CHSY3: variants seen among roughly 807,000 people sequenced by gnomAD.
CHSY3 encodes the protein N-acetylgalactosaminyl-proteoglycan 3-beta-glucuronosyltransferase 3.
CHSY3 carries 35 observed loss-of-function variants against 67.2 expected under a neutral mutation model. The observed-to-expected ratio is 0.52, with a 90% CI of 0.40 to 0.69. The LOEUF (loss-of-function observed/expected upper bound fraction) is 0.69. Among genes scored for constraint, CHSY3 ranks in the 30% least tolerant of loss-of-function variants. The pLI is 0.00. For synonymous variants in CHSY3, 474 were observed against 434.7 expected (o/e 1.09, Z -1.12); for missense variants, 1,069 against 1,138.5 (o/e 0.94, Z 0.88).
intron 2 of CHSY3, among the ~76,000 whole-genome samples, chr5:130,080,884 G>A (rs1766423822): frequency 6.6e-6 from 1 of 152,010 alleles, no homozygotes; most frequent in Admixed American, 6.6e-5. Flanking sequence ...AGGAGAAAAG[G>A]CATGCAAATT....
chr5:130,160,998 G>A lies in CHSY3; in HGVS notation c.1087-23231G>A, dbSNP rs373534554. Among the ~76,000 whole-genome samples the A allele has an allele frequency of 7.2e-4, 109 of 150,612 alleles. 2 individuals are homozygous for A. The South Asian group carries it at 0.021, about 28-fold the overall frequency. On this transcript the variant is annotated intron_variant, in intron 2 of 2. Transcript: ENST00000305031. Reference sequence around the variant, plus strand: ...CGGCTCACTGCAAGCTCCACCTCCCGGGTTCAAGCCATTCTCCTGCCTCAG... The same window carrying A: ...CGGCTCACTGCAAGCTCCACCTCCCAGGTTCAAGCCATTCTCCTGCCTCAG...
intron 2 of CHSY3, among the ~76,000 whole-genome samples, chr5:130,003,234 A>G (rs868023334): frequency 3.3e-5 from 5 of 152,260 alleles, no homozygotes; most frequent in African/African-American, 2.4e-5. Flanking sequence ...TCAGGTAATG[A>G]GTTTTTCATG....
At chr5:129,983,661 T>C (rs1291828321) in intron 2 of CHSY3, among the ~76,000 whole-genome samples, 1 of 152,028 alleles carries the variant, frequency 6.6e-6, no homozygotes, top group Non-Finnish European at 1.5e-5. Context: ...ATGACAGAAC[T>C]ATGAAAACTG....
rs1760167485 is a variant in CHSY3 at position 129,904,752 on chromosome 5, G to A, written c.-78G>A. On this transcript the variant is annotated 5_prime_UTR_variant, in exon 1 of 3. Coordinates refer to ENST00000305031, the MANE Select transcript of CHSY3 (RefSeq NM_175856.5). Reference sequence around the variant, plus strand: ...CGCGGCTGGGGGCGCAAAGGCGGAGGAGGGGCGGGTGTGAGCCGGGGAAAC... The same window carrying A: ...CGCGGCTGGGGGCGCAAAGGCGGAGAAGGGGCGGGTGTGAGCCGGGGAAAC... The A allele has an allele frequency of 8.0e-7, 1 of 1,246,712 alleles. No individual in the cohort carries two copies. Among genetic ancestry groups the A allele is most frequent in the East Asian group, 3.2e-5 (1 of 31,554 alleles). The allele number at this position is 1,246,712 out of a possible 1,614,324, so 77.2% of individuals were successfully genotyped here.
intron 2 of CHSY3, among the ~76,000 whole-genome samples, chr5:130,043,016 A>G (rs1331737077): frequency 1.3e-5 from 2 of 152,104 alleles, no homozygotes; most frequent in Non-Finnish European, 2.9e-5. Flanking sequence ...CTAAAGCTGG[A>G]AATTTTTGCA....
chr5:130,045,607 C>T (rs549190512), intron 2 of CHSY3, among the ~76,000 whole-genome samples: 1 of 152,104 alleles, frequency 6.6e-6, no homozygotes, highest in African/African-American at 2.4e-5. Flanking sequence ...TGTCTGTGTG[C>T]CTGAAAAGTT....
At chr5:129,974,907 G>C (rs1307418210) in intron 2 of CHSY3, 1 of 152,126 alleles carries the variant, frequency 6.6e-6, no homozygotes, top group Non-Finnish European at 1.5e-5. Flanking sequence ...TATGAAAGGA[G>C]AGAAGGTTAG....
chr5:129,995,078 G>T (rs1763496072), intron 2 of CHSY3, among the ~76,000 whole-genome samples: 1 of 152,064 alleles, frequency 6.6e-6, no homozygotes. Context: ...AGCAGTGTAT[G>T]AGAGTTAGAT....
At chr5:129,989,263 T>TG (rs1763290491) in intron 2 of CHSY3, among the ~76,000 whole-genome samples, 1 of 132 alleles carries the variant, frequency 7.6e-3, no homozygotes, top group Non-Finnish European at 0.016. Flanking sequence ...AAACTTGTTC[T>TG]TTTTTTTTTT....
chr5:130,143,225 G>A (rs1018040065), intron 2 of CHSY3, among the ~76,000 whole-genome samples: 2 of 152,084 alleles, frequency 1.3e-5, no homozygotes, highest in Non-Finnish European at 2.9e-5. Flanking sequence ...GTCACAACTT[G>A]TCTAATAGAA....
At chr5:130,123,187 T>G (rs1457492717) in intron 2 of CHSY3, among the ~76,000 whole-genome samples, 2 of 152,100 alleles carry the variant, frequency 1.3e-5, no homozygotes, top group Non-Finnish European at 2.9e-5. Context: ...AAAATAAAAC[T>G]ATAGTAATTT....
Position 129,904,974 on chromosome 5 carries a change from G to T in CHSY3, c.145G>T (p.Gly49Cys). The change falls in exon 1 of 3, where the codon GGT (glycine) becomes TGT (cysteine). Residue 49 changes from glycine (G) to cysteine (C), a missense_variant. By Grantham distance (159) the Gly-to-Cys change is radical. Transcript: ENST00000305031. ...RRGSSLCSYY[G>C]RSAAGPRAGA... The stretch of plus-strand genomic sequence containing the variant: ...TGGCTCCAGCCTCTGCTCCTACTAC[G>T]GTCGCTCTGCTGCTGGCCCCCGCGC... The T allele has an allele frequency of 6.4e-7, 1 of 1,567,272 alleles. No homozygotes were observed.
At chr5:130,136,537 C>A (rs925526904) in intron 2 of CHSY3, among the ~76,000 whole-genome samples, 1 of 152,018 alleles carries the variant, frequency 6.6e-6, no homozygotes, top group Admixed American at 6.6e-5. Flanking sequence ...ATAGTCCAGG[C>A]ATGAGCTGAT....
chr5:130,051,581 G>A (rs1392543827), intron 2 of CHSY3, among the ~76,000 whole-genome samples: 6 of 152,194 alleles, frequency 3.9e-5, no homozygotes, highest in Non-Finnish European at 5.9e-5. Flanking sequence ...ATTAATACCT[G>A]GGGGATGGGA....
At chr5:129,968,950 C>G (rs1026646173) in intron 2 of CHSY3, among the ~76,000 whole-genome samples, 1 of 151,664 alleles carries the variant, frequency 6.6e-6, no homozygotes, top group African/African-American at 2.4e-5. Flanking sequence ...TAACACATTC[C>G]TTGGGGGAAT....
intron 2 of CHSY3, among the ~76,000 whole-genome samples, chr5:130,007,710 G>A (rs1763915856): frequency 6.6e-6 from 1 of 152,098 alleles, no homozygotes; most frequent in South Asian, 2.1e-4. Flanking sequence ...CTGCTACAGT[G>A]GAGTATTGCC....
chr5:129,977,386 T>A (rs1015506472), intron 2 of CHSY3, among the ~76,000 whole-genome samples: 9 of 152,220 alleles, frequency 5.9e-5, no homozygotes, highest in Non-Finnish European at 8.8e-5. Context: ...TGGGACTATC[T>A]GTACCTTTAT....
At chr5:129,925,536 G>A (rs1473980410) in intron 2 of CHSY3, among the ~76,000 whole-genome samples, 2 of 152,096 alleles carry the variant, frequency 1.3e-5, no homozygotes, top group African/African-American at 4.8e-5. Flanking sequence ...AAGCTAATTA[G>A]CATGCGTTAC....
At chr5:130,001,578 A>T (rs13358999) in intron 2 of CHSY3, 493,743 of 853,956 alleles carry the variant, frequency 0.58, 144,079 homozygotes, top group East Asian at 0.61. Context: ...CTTTATTCCA[A>T]AAGAATAGTA....
Sources: allele counts gnomAD v4.1 joint callset (sites outside exome capture counted in the v4.1 genomes callset), GRCh38; gene constraint gnomAD v4.1.1; transcripts MANE v1.5; gene names NCBI Gene and HGNC (gene_info 2026-07-23, HGNC 2026-07-21).